Variants in CHEK1 observed in about 807,000 individuals in gnomAD.
CHEK1 encodes checkpoint kinase 1.
A neutral mutation model predicts 60.2 loss-of-function variants in CHEK1; 32 were observed. That is an observed-to-expected ratio of 0.53 (90% CI 0.40 to 0.71). The LOEUF is 0.71. Among genes scored for constraint, CHEK1 ranks in the 30% least tolerant of loss-of-function variants. The pLI, the probability that CHEK1 is intolerant of heterozygous loss-of-function variation, is 0.00. For missense variants in CHEK1, 399 were observed against 564.6 expected, an observed-to-expected ratio of 0.71 and a Z score of 2.97; for synonymous variants, 179 against 187.2, an observed-to-expected ratio of 0.96 and a Z score of 0.36.
chr11:125,625,695 C>A lies in CHEK1; in HGVS notation c.-338C>A, dbSNP rs951073141. 12 of 631,348 alleles carry A rather than the reference C, an allele frequency of 1.9e-5. No homozygotes were observed. The Admixed American group carries it at 2.5e-4, about 13-fold the overall frequency. 39.1% of individuals were successfully genotyped at this position (631,348 alleles called of 1,614,324 possible). A position where few individuals can be genotyped will look rare whatever the true frequency, so the allele number is the denominator to read the frequency against. ...TGGGCTTCCCCCAGCAGCGCTCGAGCACCGCCCAGTCGAGCCTCACACCGG... is the reference window on the plus strand; with the variant it reads ...TGGGCTTCCCCCAGCAGCGCTCGAGAACCGCCCAGTCGAGCCTCACACCGG... On this transcript the variant is annotated 5_prime_UTR_variant, in exon 1 of 13. Transcript: ENST00000438015.
intron 1 of CHEK1, 47 bp from the exon 2 acceptor site, chr11:125,626,702 T>C (rs1940627509): frequency 6.3e-7 from 1 of 1,581,486 alleles, no homozygotes; most frequent in Non-Finnish European, 8.7e-7. Flanking sequence ...GTGGCTTCAC[T>C]GGTGATCTTA....
At chr11:125,638,540 T>C (rs1286017921) in intron 8 of CHEK1, among the ~76,000 whole-genome samples, 3 of 152,180 alleles carry the variant, frequency 2.0e-5, no homozygotes, top group Non-Finnish European at 2.9e-5. Context: ...TCTTCTTTAA[T>C]ACCTCTCTGC....
chr11:125,661,219 T>C (rs1942008101), downstream of CHEK1, among the ~76,000 whole-genome samples: 1 of 152,226 alleles, frequency 6.6e-6, no homozygotes, highest in Non-Finnish European at 1.5e-5. Context: ...ATTACTGATA[T>C]ATTTGGATTT....
rs996784792 is a variant in CHEK1 at position 125,644,724 on chromosome 11, T to C, written c.1233+81T>C. 3 of 1,459,228 alleles carry C rather than the reference T, an allele frequency of 2.1e-6. No homozygotes were observed. The Admixed American group carries it at 5.9e-5, about 29-fold the overall frequency. The allele number at this position is 1,459,228 out of a possible 1,614,324, so 90.4% of individuals were successfully genotyped here. A position where few individuals can be genotyped will look rare whatever the true frequency, so the allele number is the denominator to read the frequency against. On this transcript the variant is annotated intron_variant, in intron 11 of 12. Coordinates refer to ENST00000438015, the MANE Select transcript of CHEK1 (RefSeq NM_001114122.3). ...AGTAAAAGCTATCATTAGTATATTT[T>C]TTAAATATAGGCTGTGGCTCACACC...
downstream of CHEK1, among the ~76,000 whole-genome samples, chr11:125,658,765 C>T (rs1486661402): frequency 7.2e-6 from 1 of 138,782 alleles, no homozygotes; most frequent in Admixed American, 8.0e-5. Flanking sequence ...TCACAGCTCA[C>T]TGCAGCCTCA....
intron 13 of CHEK1, among the ~76,000 whole-genome samples, chr11:125,664,510 C>T (rs1459432004): frequency 6.6e-6 from 1 of 152,138 alleles, no homozygotes; most frequent in Non-Finnish European, 1.5e-5. Context: ...ACTGGGATTA[C>T]AGGTGTGAGC....
chr11:125,630,868 C>T (rs899805070), intron 5 of CHEK1, among the ~76,000 whole-genome samples: 3 of 151,842 alleles, frequency 2.0e-5, no homozygotes, highest in Non-Finnish European at 4.4e-5. Context: ...TGTCTGTCAA[C>T]AATAAATTAT....
chr11:125,635,598 A>AT (rs1036318081), intron 7 of CHEK1, 65 bp downstream of exon 7: 6 of 1,053,110 alleles, frequency 5.7e-6, no homozygotes, highest in African/African-American at 1.7e-5. Flanking sequence ...TGCTATTTGA[A>AT]TTTTTTCTTA....
intron 11 of CHEK1, among the ~76,000 whole-genome samples, chr11:125,650,179 G>T (rs1941660902): frequency 2.0e-5 from 3 of 150,770 alleles, no homozygotes; most frequent in Admixed American, 6.6e-5. Flanking sequence ...TCTCCCTCTT[G>T]GACTCATTAT....
downstream of CHEK1, among the ~76,000 whole-genome samples, chr11:125,680,300 G>A (rs1942738639): frequency 6.6e-6 from 1 of 152,124 alleles, no homozygotes. Flanking sequence ...TGAAGTCTCT[G>A]GCCTATAGCT....
chr11:125,654,610 G>A (rs1257317064), intron 12 of CHEK1, among the ~76,000 whole-genome samples: 2 of 151,984 alleles, frequency 1.3e-5, no homozygotes, highest in South Asian at 2.1e-4. Flanking sequence ...ATTCTAAGAT[G>A]ATAGTATTAC....
At chr11:125,662,789 G>A (rs34052820) in intron 13 of CHEK1, among the ~76,000 whole-genome samples, 2,714 of 152,168 alleles carry the variant, frequency 0.018, 40 homozygotes, top group Non-Finnish European at 0.026. Context: ...TTTAGTTTTC[G>A]AGAAAACTGC....
chr11:125,638,872 G>A (rs1565370576), intron 8 of CHEK1, among the ~76,000 whole-genome samples: 1 of 152,002 alleles, frequency 6.6e-6, no homozygotes, highest in Non-Finnish European at 1.5e-5. Flanking sequence ...ACTGTTTCTT[G>A]ACCCTCTCTC....
intron 3 of CHEK1, among the ~76,000 whole-genome samples, chr11:125,628,870 A>G (rs1940739112): frequency 6.6e-6 from 1 of 152,210 alleles, no homozygotes; most frequent in Admixed American, 6.5e-5. Flanking sequence ...CTTTGGCATT[A>G]TATTTCAGGA....
chr11:125,654,031 C>T (rs1218415520), intron 12 of CHEK1, among the ~76,000 whole-genome samples, 184 bp downstream of exon 12: 1 of 151,612 alleles, frequency 6.6e-6, no homozygotes, highest in African/African-American at 2.4e-5. Flanking sequence ...ATGACATTTT[C>T]CTTATTATAA....
chr11:125,663,097 T>G (rs1364552616), intron 13 of CHEK1, among the ~76,000 whole-genome samples: 1 of 151,826 alleles, frequency 6.6e-6, no homozygotes, highest in Non-Finnish European at 1.5e-5. Context: ...ACTTATGTAG[T>G]CGAGATACTA....
At chr11:125,644,044 G>T (rs780048436) in intron 9 of CHEK1, 47 bp from the exon 10 acceptor site, 1 of 1,583,554 alleles carries the variant, frequency 6.3e-7, no homozygotes, top group Non-Finnish European at 8.6e-7. Flanking sequence ...AGGCCTGATA[G>T]ATTTTATTTT....
chr11:125,660,752 C>CA (rs57658252), downstream of CHEK1, among the ~76,000 whole-genome samples: 34,283 of 140,320 alleles, frequency 0.24, 3,863 homozygotes, highest in African/African-American at 0.28. Flanking sequence ...GATTTATTAA[C>CA]AAAAAAAAAA....
chr11:125,640,173 A>G (rs1228689683), intron 8 of CHEK1, among the ~76,000 whole-genome samples: 2 of 152,200 alleles, frequency 1.3e-5, no homozygotes, highest in African/African-American at 4.8e-5. Flanking sequence ...GCCAAGTTCA[A>G]TGTAATAGTC....
Sources: allele counts gnomAD v4.1 joint callset (sites outside exome capture counted in the v4.1 genomes callset), GRCh38; gene constraint gnomAD v4.1.1; transcripts MANE v1.5; gene names NCBI Gene and HGNC (gene_info 2026-07-23, HGNC 2026-07-21).